Variants in ASH1L observed in about 807,000 individuals in gnomAD.
ASH1L encodes ASH1 like histone lysine methyltransferase.
Under a neutral mutation model 269.0 loss-of-function variants are expected in ASH1L, and 23 were observed. The ratio of observed to expected loss-of-function variants is 0.09; its 90% CI spans 0.06 to 0.12. ASH1L has a LOEUF of 0.12. ASH1L is among the 10% of genes least tolerant of loss of function. The probability of loss-of-function intolerance (pLI) is 1.00; values close to 1 mark genes in which losing one functional copy is unlikely to be tolerated. For synonymous variants in ASH1L, 1,187 were observed against 1,253.5 expected, an observed-to-expected ratio of 0.95 and a Z score of 1.12; for missense variants, 2,912 against 3,567.8, an observed-to-expected ratio of 0.82 and a Z score of 4.68.
At chr1:155,444,623 G>A (rs920764773) in intron 4 of ASH1L, among the ~76,000 whole-genome samples, 1 of 151,776 alleles carries the variant, frequency 6.6e-6, no homozygotes, top group Non-Finnish European at 1.5e-5. Context: ...TTTTCTGTTT[G>A]TTTGTTTTCT....
At chr1:155,461,069 A>T (rs1429617886) in intron 3 of ASH1L, among the ~76,000 whole-genome samples, 1 of 152,236 alleles carries the variant, frequency 6.6e-6, no homozygotes. Flanking sequence ...AATTACAAAT[A>T]AAAAAACTTA....
At position 155,481,027 on chromosome 1, in the gene ASH1L, G is replaced by T; in HGVS notation, c.1843C>A (p.His615Asn). The T allele has an allele frequency of 1.2e-6, 2 of 1,613,934 alleles. No individual in the cohort carries two copies. The highest frequency in any genetic ancestry group is 2.2e-5 in the South Asian group (2 of 91,010). Residue 615 changes from histidine to asparagine, a missense_variant, in exon 3 of 28, where the codon CAT (histidine) becomes AAT (asparagine). His to Asn is a moderately conservative substitution (Grantham distance 68, BLOSUM62 1). Transcript: ENST00000392403. ...TSESTHLNVG[H>N]RSVGHSISIE... The stretch of plus-strand genomic sequence containing the variant: ...CTTATACTATGACCAACTGACCTAT[G>T]ACCAACGTTCAAGTGGGTACTTTCA...
intron 2 of ASH1L, among the ~76,000 whole-genome samples, chr1:155,512,189 C>A (rs1428597490): frequency 6.6e-6 from 1 of 151,736 alleles, no homozygotes; most frequent in Non-Finnish European, 1.5e-5. Flanking sequence ...TCCTTTATCA[C>A]AATCTCAATA....
intron 12 of ASH1L, among the ~76,000 whole-genome samples, chr1:155,366,293 T>C (rs772998635): frequency 5.3e-5 from 8 of 152,182 alleles, no homozygotes; most frequent in Non-Finnish European, 1.0e-4. Flanking sequence ...TTACTCTATA[T>C]GGTCTAAAAA....
chr1:155,475,361 C>T (rs1193674971), intron 3 of ASH1L, among the ~76,000 whole-genome samples: 2 of 152,112 alleles, frequency 1.3e-5, no homozygotes, highest in African/African-American at 4.8e-5. Flanking sequence ...GCCTCAAACT[C>T]CTGACCTCAA....
At chr1:155,357,913 G>A (rs886156197) in intron 13 of ASH1L, among the ~76,000 whole-genome samples, 164 bp from the exon 14 acceptor site, 10 of 152,136 alleles carry the variant, frequency 6.6e-5, no homozygotes, top group African/African-American at 1.9e-4. Context: ...TGACATTACA[G>A]GTGCGTGCCA....
intron 2 of ASH1L, among the ~76,000 whole-genome samples, chr1:155,496,886 T>C (rs2148782075): frequency 6.6e-6 from 1 of 152,022 alleles, no homozygotes; most frequent in South Asian, 2.1e-4. Flanking sequence ...GCTCGGGCAA[T>C]TCTCCCGTCA....
In ASH1L at chr1:155,335,783, T is replaced by A. The variant is rs575525964; in HGVS notation, c.*1877A>T. ...GTTTTTTTTTCTTTTTCATCTTTTT[T>A]AAAATTTTAGTGTTTAACACTATAA... is the stretch of plus-strand genomic sequence containing the variant. On this transcript the variant is annotated 3_prime_UTR_variant, in exon 28 of 28. Transcript: ENST00000392403. 3 of 152,822 alleles carry A rather than the reference T, an allele frequency of 2.0e-5. No homozygotes were observed. The highest frequency in any genetic ancestry group is 4.1e-4 in the South Asian group (2 of 4,828). The allele number at this position is 152,822 out of a possible 1,614,324, so 9.5% of individuals were successfully genotyped here.
At chr1:155,474,815 C>T (rs1182227421) in intron 3 of ASH1L, among the ~76,000 whole-genome samples, 2 of 152,218 alleles carry the variant, frequency 1.3e-5, no homozygotes, top group African/African-American at 4.8e-5. Context: ...AAGCCTGCCA[C>T]TAACCTAATC....
chr1:155,364,577 G>A (rs1248542598), intron 12 of ASH1L, among the ~76,000 whole-genome samples: 2 of 151,924 alleles, frequency 1.3e-5, no homozygotes, highest in Non-Finnish European at 2.9e-5. Flanking sequence ...CATATTAAGC[G>A]CTGTTGTATA....
At position 155,478,947 on chromosome 1, in the gene ASH1L, T is replaced by C. The variant is rs148042875; in HGVS notation, c.3923A>G (p.His1308Arg). The change falls in exon 3 of 28, where the codon CAT becomes CGT. Residue 1308 changes from histidine to arginine, a missense_variant. This residue lies in a region of ASH1L where 789 missense variants were observed against 897.6 expected (regional missense o/e 0.88). Coordinates refer to ENST00000392403, the MANE Select transcript of ASH1L (RefSeq NM_018489.3). The surrounding 1 kb of genome is among the most constrained non-coding windows in gnomAD (Gnocchi z 4.6). Reference sequence around the variant, plus strand: ...CAGAAGATCTCGGGGGATAAAATGATGACTTCGATGAGTGATCCGAATTTC... The same window carrying C: ...CAGAAGATCTCGGGGGATAAAATGACGACTTCGATGAGTGATCCGAATTTC... ...LSEIRITHRS[H>R]HFIPRDLLPT... 6.8e-6 allele frequency: 11 copies of C among 1,613,802 alleles called. No individual in the cohort carries two copies. Among genetic ancestry groups the C allele is most frequent in the East Asian group, 6.7e-5 (3 of 44,898 alleles).
chr1:155,352,291 C>G (rs1490040355), intron 17 of ASH1L, among the ~76,000 whole-genome samples: 1 of 125,896 alleles, frequency 7.9e-6, no homozygotes, highest in Non-Finnish European at 1.6e-5. Context: ...AGCGAGACCT[C>G]CATCTCAAAA....
chr1:155,436,491 CTTTTT>C (rs60270333), intron 5 of ASH1L, among the ~76,000 whole-genome samples: 1 of 80,552 alleles, frequency 1.2e-5, no homozygotes, highest in Non-Finnish European at 2.3e-5. Flanking sequence ...CATGCGTGGA[CTTTTT>C]TTTTTTTTTT....
chr1:155,530,093 T>C (rs1347303073), intron 1 of ASH1L, among the ~76,000 whole-genome samples: 1 of 152,160 alleles, frequency 6.6e-6, no homozygotes. Flanking sequence ...CCCCAGATAA[T>C]TGCATATCTT....
Position 155,478,532 on chromosome 1 carries a change from T to G in ASH1L, c.4338A>C (p.Leu1446=). The G allele has an allele frequency of 6.2e-7, 1 of 1,614,154 alleles. No individual in the cohort carries two copies. Residue 1446 remains leucine (L), a synonymous_variant, in exon 3 of 28, where the codon CTA becomes CTC. Transcript: ENST00000392403. The surrounding 1 kb of genome is among the most constrained non-coding windows in gnomAD (Gnocchi z 4.6). The part of the protein sequence containing the change: ...PAKYHKKKHK[L]LRQEAFLTTS... ...TTGTAAGAAAGGCCTCCTGTCGAAG[T>G]AGCTTATGCTTTTTCTTATGGTATT...
At chr1:155,484,654 C>A (rs6691371) in intron 2 of ASH1L, among the ~76,000 whole-genome samples, 1 of 151,716 alleles carries the variant, frequency 6.6e-6, no homozygotes, top group Non-Finnish European at 1.5e-5. Flanking sequence ...GCCAGCCAGG[C>A]GCAGTGGCTC....
intron 6 of ASH1L, among the ~76,000 whole-genome samples, chr1:155,409,809 G>A (rs1287678144): frequency 2.0e-5 from 3 of 152,056 alleles, no homozygotes; most frequent in Middle Eastern, 3.4e-3. Context: ...CATGAAGATA[G>A]GATCAAAGAA....
chr1:155,414,606 T>C (rs2148537661), intron 6 of ASH1L, among the ~76,000 whole-genome samples: 1 of 152,066 alleles, frequency 6.6e-6, no homozygotes, highest in Non-Finnish European at 1.5e-5. Context: ...ACCACTCCCA[T>C]CCAAAACCAA....
chr1:155,512,407 ACT>A (rs1668219285), intron 2 of ASH1L, among the ~76,000 whole-genome samples: 2 of 143,026 alleles, frequency 1.4e-5, no homozygotes, highest in African/African-American at 5.2e-5. Context: ...ACAGAGTGAG[ACT>A]CTGTCTTTTA....
Sources: allele counts gnomAD v4.1 joint callset (sites outside exome capture counted in the v4.1 genomes callset), GRCh38; gene constraint gnomAD v4.1.1; regional missense constraint gnomAD v4.1.1; non-coding constraint Gnocchi (gnomAD v3.1); transcripts MANE v1.5; gene names NCBI Gene and HGNC (gene_info 2026-07-23, HGNC 2026-07-21).